Variants in GSK3A observed in about 807,000 individuals in gnomAD.
GSK3A encodes the protein glycogen synthase kinase 3 alpha, also known as glycogen synthase kinase-3 alpha.
A neutral mutation model predicts 56.6 loss-of-function variants in GSK3A; 14 were observed. That is an observed-to-expected ratio of 0.25 (90% CI 0.16 to 0.39). GSK3A has a LOEUF of 0.39. GSK3A is among the 10% of genes least tolerant of loss of function. The pLI is 1.00. For missense variants in GSK3A, 450 were observed against 656.0 expected (o/e 0.69, Z 3.43); for synonymous variants, 301 against 285.0 (o/e 1.06, Z -0.56).
intron 4 of GSK3A, 37 bp downstream of exon 4, chr19:42,236,569 G>A: frequency 1.6e-6 from 2 of 1,275,852 alleles, no homozygotes; most frequent in Non-Finnish European, 2.3e-6. Context: ...CCCTGGCTTT[G>A]TGGGCCTGGG....
In GSK3A at chr19:42,236,693, C is replaced by G. The variant is rs1312219795; in HGVS notation, c.579G>C (p.Leu193=). The G allele has an allele frequency of 6.2e-7, 1 of 1,613,828 alleles. No homozygotes were observed. The highest frequency in any genetic ancestry group is 1.3e-5 in the African/African-American group (1 of 74,978). The change falls in exon 4 of 11, where the codon CTG becomes CTC. Residue 193 remains leucine, a synonymous_variant. Transcript: ENST00000222330. ...CTGTCTCGGGCACATATTCCAGCAC[C>G]AGATTTAGGTAAAGCTCGTCTTTCT... ...GEKKDELYLN[L]VLEYVPETVY...
chr19:42,233,879 G>A (rs2036240762), intron 6 of GSK3A, among the ~76,000 whole-genome samples: 1 of 152,144 alleles, frequency 6.6e-6, no homozygotes, highest in African/African-American at 2.4e-5. Flanking sequence ...GCTGTGGAAG[G>A]TGCCCTTTCA....
chr19:42,239,042 G>T (rs2036275906), intron 2 of GSK3A, among the ~76,000 whole-genome samples: 1 of 152,060 alleles, frequency 6.6e-6, no homozygotes, highest in South Asian at 2.1e-4. Context: ...GACAGGTAGT[G>T]GCCATCCAGC....
chr19:42,235,922 C>G (rs760751456), intron 4 of GSK3A, among the ~76,000 whole-genome samples: 1 of 152,190 alleles, frequency 6.6e-6, no homozygotes, highest in Non-Finnish European at 1.5e-5. Flanking sequence ...GTAGAGCCCA[C>G]GTCGGCTCAC....
chr19:42,239,555 C>CA, intron 2 of GSK3A, among the ~76,000 whole-genome samples: 1 of 152,172 alleles, frequency 6.6e-6, no homozygotes, highest in South Asian at 2.1e-4. Context: ...GAAGTGTAAC[C>CA]AAATGGTTAA....
At position 42,239,902 on chromosome 19, in the gene GSK3A, C is replaced by T. The variant is rs1054082927; in HGVS notation, c.471+53G>A. On this transcript the variant is annotated intron_variant, in intron 2 of 10. Transcript: ENST00000222330. Reference sequence around the variant, plus strand: ...TCCAGCTCTCTGGCTCAGGTTCTCCCACCAGTCACACCCAGTCCCCAAACC... The same window carrying T: ...TCCAGCTCTCTGGCTCAGGTTCTCCTACCAGTCACACCCAGTCCCCAAACC... The T allele has an allele frequency of 8.1e-6, 12 of 1,475,242 alleles. No homozygotes were observed. The Middle Eastern group carries it at 5.2e-4, about 64-fold the overall frequency. The allele number at this position is 1,475,242 out of a possible 1,614,324, so 91.4% of individuals were successfully genotyped here.
chr19:42,240,132 C>T lies in GSK3A; in HGVS notation c.294G>A (p.Gly98=). 6.2e-7 allele frequency: 1 copy of T among 1,614,116 alleles called. No individual in the cohort carries two copies. Among genetic ancestry groups the T allele is most frequent in the South Asian group, 1.1e-5 (1 of 91,086 alleles). The change falls in exon 2 of 11, where the codon GGG becomes GGA. Residue 98 remains glycine (G), a synonymous_variant. Coordinates refer to ENST00000222330, the MANE Select transcript of GSK3A (RefSeq NM_019884.3). ...GAGTGGCTACGACTGTGGTCACCTT[C>T]CCGCTGTCACCTGGGGAACAAAGGG... The part of the protein sequence containing the change: ...PPGVKLGRDS[G]KVTTVVATLG...
Position 42,232,168 on chromosome 19 carries a change from A to G in GSK3A, c.1286-19T>C, listed in dbSNP as rs1402612261. ...GAGAGTTCTAGAAACAGGAATTGAC[A>G]TGCTAGTCAGGGTAGACTACAGCAG... On this transcript the variant is annotated intron_variant, in intron 9 of 10. Coordinates refer to ENST00000222330, the MANE Select transcript of GSK3A (RefSeq NM_019884.3). 1.4e-6 allele frequency: 2 copies of G among 1,463,466 alleles called. No homozygotes were observed. The highest frequency in any genetic ancestry group is 1.7e-5 in the Admixed American group (1 of 58,820). 90.7% of individuals were successfully genotyped at this position (1,463,466 alleles called of 1,614,324 possible). A position where few individuals can be genotyped will look rare whatever the true frequency, so the allele number is the denominator to read the frequency against.
chr19:42,237,361 G>A (rs1427125884), intron 2 of GSK3A, among the ~76,000 whole-genome samples: 16 of 151,260 alleles, frequency 1.1e-4, no homozygotes, highest in Admixed American at 3.3e-4. Context: ...GTTTCACCAC[G>A]TTAGCCAGGA....
At position 42,230,523 on chromosome 19, in the gene GSK3A, G is replaced by A. The variant is rs556911494; in HGVS notation, c.*271C>T. 24 of 506,754 alleles carry A rather than the reference G, an allele frequency of 4.7e-5. No individual in the cohort carries two copies. Among genetic ancestry groups the A allele is most frequent in the African/African-American group, 3.7e-4 (19 of 51,968 alleles). The allele number at this position is 506,754 out of a possible 1,614,324, so 31.4% of individuals were successfully genotyped here. The stretch of plus-strand genomic sequence containing the variant: ...GTCTGGAGGAGGTGGAGGTCTGGGG[G>A]AGGGGAGGGGGCCAAGGGGGTAGGA... On this transcript the variant is annotated 3_prime_UTR_variant, in exon 11 of 11. Coordinates refer to ENST00000222330, the MANE Select transcript of GSK3A (RefSeq NM_019884.3).
rs1196398581 is a variant in GSK3A, at chr19:42,236,464, G to A, written c.666+142C>T. On this transcript the variant is annotated intron_variant, in intron 4 of 10. Transcript: ENST00000222330. ...GTGTTAGGCGAGCTCCATCTCGGGG[G>A]GTTATGGGAACAACAGCAGGGGACA... is the stretch of plus-strand genomic sequence containing the variant. The A allele has an allele frequency of 4.5e-6, 3 of 663,846 alleles. No individual in the cohort carries two copies. In the Admixed American group the frequency reaches 6.9e-5, roughly 15 times the overall value. 41.1% of individuals were successfully genotyped at this position (663,846 alleles called of 1,614,324 possible). A position where few individuals can be genotyped will look rare whatever the true frequency, so the allele number is the denominator to read the frequency against.
Position 42,232,702 on chromosome 19 carries a change from C to A in GSK3A, c.1099-20G>T. ...GAACACCTGAGGGATGGGTGCAGGGCTCATGAGGGTGAGATGCCCTGGACA... is the reference window on the plus strand; with the variant it reads ...GAACACCTGAGGGATGGGTGCAGGGATCATGAGGGTGAGATGCCCTGGACA... On this transcript the variant is annotated intron_variant, in intron 8 of 10. Coordinates refer to ENST00000222330, the MANE Select transcript of GSK3A (RefSeq NM_019884.3). The A allele has an allele frequency of 6.5e-7, 1 of 1,538,622 alleles. No homozygotes were observed. The highest frequency in any genetic ancestry group is 1.3e-5 in the South Asian group (1 of 79,810).
At chr19:42,233,255 A>ACCCCCAGGCCCCCCCCCCCCCCCCCCCC in intron 7 of GSK3A, 31 bp downstream of exon 7, 1 of 1,197,364 alleles carries the variant, frequency 8.4e-7, no homozygotes, top group Non-Finnish European at 1.2e-6. Flanking sequence ...CCTCAGCCCC[A>ACCCCCAGGCCCCCCCCCCCCCCCCCCCC]CCCCCTGCCC....
At chr19:42,235,908 A>C (rs966428928) in intron 4 of GSK3A, among the ~76,000 whole-genome samples, 1 of 152,104 alleles carries the variant, frequency 6.6e-6, no homozygotes, top group Non-Finnish European at 1.5e-5. Context: ...AGCCACAACC[A>C]CTGGTAGAGC....
At chr19:42,240,660 C>G (rs1221709488) in intron 1 of GSK3A, 1 of 163,756 alleles carries the variant, frequency 6.1e-6, no homozygotes, top group South Asian at 1.8e-4. Flanking sequence ...TTTACTGGTT[C>G]TTGGTGACAG....
intron 4 of GSK3A, 37 bp downstream of exon 4, chr19:42,236,569 G>T (rs1189841863): frequency 1.6e-6 from 2 of 1,275,844 alleles, no homozygotes; most frequent in Non-Finnish European, 2.3e-6. Flanking sequence ...CCCTGGCTTT[G>T]TGGGCCTGGG....
rs1220120376 is a variant in GSK3A, at chr19:42,242,585, C to A, written c.-120G>T. On this transcript the variant is annotated 5_prime_UTR_variant, in exon 1 of 11. Transcript: ENST00000222330. Reference sequence around the variant, plus strand: ...CCAGGCCGCGCCGCTCTGGCTTGGGCTCCGGCTCCGGCCCAGCGCCCGCCG... The same window carrying A: ...CCAGGCCGCGCCGCTCTGGCTTGGGATCCGGCTCCGGCCCAGCGCCCGCCG... 30 of 847,486 alleles carry A rather than the reference C, an allele frequency of 3.5e-5. No individual in the cohort carries two copies. The highest frequency in any genetic ancestry group is 5.1e-4 in the Middle Eastern group (1 of 1,978). The allele number at this position is 847,486 out of a possible 1,614,324, so 52.5% of individuals were successfully genotyped here. A position where few individuals can be genotyped will look rare whatever the true frequency, so the allele number is the denominator to read the frequency against.
chr19:42,242,590 G>T lies in GSK3A; in HGVS notation c.-125C>A. 1.2e-6 allele frequency: 1 copy of T among 840,324 alleles called. No individual in the cohort carries two copies. Among genetic ancestry groups the T allele is most frequent in the Non-Finnish European group, 1.6e-6 (1 of 637,454 alleles). The allele number at this position is 840,324 out of a possible 1,614,324, so 52.1% of individuals were successfully genotyped here. A position where few individuals can be genotyped will look rare whatever the true frequency, so the allele number is the denominator to read the frequency against. On this transcript the variant is annotated 5_prime_UTR_variant, in exon 1 of 11. Coordinates refer to ENST00000222330, the MANE Select transcript of GSK3A (RefSeq NM_019884.3). ...CCGCGCCGCTCTGGCTTGGGCTCCG[G>T]CTCCGGCCCAGCGCCCGCCGCGGGG...
chr19:42,236,613 T>C lies in GSK3A; in HGVS notation c.659A>G (p.Tyr220Cys). 4 of 1,600,244 alleles carry C rather than the reference T, an allele frequency of 2.5e-6. No individual in the cohort carries two copies. Among genetic ancestry groups the C allele is most frequent in the East Asian group, 4.5e-5 (2 of 44,820 alleles). The change falls in exon 4 of 11, where the codon TAT (tyrosine) becomes TGT (cysteine). Residue 220 changes from tyrosine (Y) to cysteine (C), a missense_variant. By Grantham distance (194) the Tyr-to-Cys change is radical. Coordinates refer to ENST00000222330, the MANE Select transcript of GSK3A (RefSeq NM_019884.3). Reference sequence around the variant, plus strand: ...GCCCACCTGCTGGCCTACCTTGACATAGAGGATAGGGATGGTCAACTTGGC... The same window carrying C: ...GCCCACCTGCTGGCCTACCTTGACACAGAGGATAGGGATGGTCAACTTGGC... ...TKAKLTIPILYVKVYMYQLFR... is the reference protein window; with the variant it reads ...TKAKLTIPILCVKVYMYQLFR...
Sources: allele counts gnomAD v4.1 joint callset (sites outside exome capture counted in the v4.1 genomes callset), GRCh38; gene constraint gnomAD v4.1.1; transcripts MANE v1.5; gene names NCBI Gene and HGNC (gene_info 2026-07-23, HGNC 2026-07-21).